The following RAB27A variants were observed in gnomAD, a reference collection of about 807,000 sequenced individuals.
RAB27A encodes ras-related protein Rab-27A.
Under a neutral mutation model 20.8 loss-of-function variants are expected in RAB27A, and 17 were observed. The observed-to-expected ratio is 0.82, with a 90% confidence interval of 0.56 to 1.23. The LOEUF is 1.23. Among genes scored for constraint, RAB27A ranks in the 50% most tolerant of loss-of-function variants. The probability of loss-of-function intolerance (pLI) is 0.00; values close to 1 mark genes in which losing one functional copy is unlikely to be tolerated. For synonymous variants in RAB27A, 85 were observed against 92.8 expected (o/e 0.92, Z 0.48); for missense variants, 277 against 266.7 (o/e 1.04, Z -0.27).
upstream of RAB27A, among the ~76,000 whole-genome samples, chr15:55,294,519 C>T (rs571657423): frequency 8.3e-5 from 11 of 132,536 alleles, no homozygotes; most frequent in South Asian, 1.8e-3. Flanking sequence ...GCCCAGGAAG[C>T]GGAGGTTGCA....
intron 1 of RAB27A, among the ~76,000 whole-genome samples, chr15:55,286,298 T>C (rs1898151000): frequency 6.6e-6 from 1 of 152,198 alleles, no homozygotes. Flanking sequence ...CCATTCTATG[T>C]GCTATGGACA....
intron 1 of RAB27A, among the ~76,000 whole-genome samples, chr15:55,273,341 G>A (rs61573749): frequency 0.22 from 33,587 of 150,926 alleles, 4,678 homozygotes; most frequent in East Asian, 0.55. Flanking sequence ...CCCGGGAGGC[G>A]GAGGTTGCAG....
At chr15:55,309,223 G>A (rs551997040) in intron 2 of RAB27A, among the ~76,000 whole-genome samples, 2 of 152,164 alleles carry the variant, frequency 1.3e-5, no homozygotes, top group African/African-American at 4.8e-5. Context: ...TTATGCCAAG[G>A]AACCCTCTTA....
At position 55,205,492 on chromosome 15, in the gene RAB27A, C is replaced by A; in HGVS notation, c.*15G>T. On this transcript the variant is annotated 3_prime_UTR_variant, in exon 7 of 7. Coordinates refer to ENST00000336787, the MANE Select transcript of RAB27A (RefSeq NM_183235.3). Reference sequence around the variant, plus strand: ...GCATGGGCCACCTGAACTACTATGTCGCTTACTTGACTTCTCAACAGCCAC... The same window carrying A: ...GCATGGGCCACCTGAACTACTATGTAGCTTACTTGACTTCTCAACAGCCAC... 6.2e-7 allele frequency: 1 copy of A among 1,611,632 alleles called. No individual in the cohort carries two copies. The highest frequency in any genetic ancestry group is 1.1e-5 in the South Asian group (1 of 91,032).
chr15:55,261,263 G>A (rs1220613852), intron 2 of RAB27A, among the ~76,000 whole-genome samples: 1 of 151,524 alleles, frequency 6.6e-6, no homozygotes, highest in Non-Finnish European at 1.5e-5. Flanking sequence ...CAGGCGCGGT[G>A]GCAGGCACCT....
intron 2 of RAB27A, among the ~76,000 whole-genome samples, chr15:55,305,847 G>A (rs2054994507): frequency 6.6e-6 from 1 of 152,200 alleles, no homozygotes; most frequent in Non-Finnish European, 1.5e-5. Flanking sequence ...ATAGTTTGTA[G>A]TAGAACTGAG....
At chr15:55,239,744 G>A (rs1423419891) in intron 2 of RAB27A, among the ~76,000 whole-genome samples, 2 of 152,128 alleles carry the variant, frequency 1.3e-5, no homozygotes, top group African/African-American at 2.4e-5. Flanking sequence ...AACTGATCAC[G>A]CTGACCAGGC....
At chr15:55,275,934 A>AAAAC (rs1897859390) in intron 1 of RAB27A, among the ~76,000 whole-genome samples, 1 of 150,748 alleles carries the variant, frequency 6.6e-6, no homozygotes, top group Non-Finnish European at 1.5e-5. Context: ...AAAAAAAAAA[A>AAAAC]AAAAAACAAG....
intron 2 of RAB27A, among the ~76,000 whole-genome samples, chr15:55,261,118 G>C (rs1897252830): frequency 6.6e-6 from 1 of 152,108 alleles, no homozygotes; most frequent in Non-Finnish European, 1.5e-5. Flanking sequence ...AACTCGGCCA[G>C]GCATGGTGGC....
intron 2 of RAB27A, among the ~76,000 whole-genome samples, chr15:55,239,798 T>G (rs1310377258): frequency 6.6e-6 from 1 of 152,014 alleles, no homozygotes; most frequent in East Asian, 1.9e-4. Context: ...AATAAGAAAA[T>G]TTCAGAGAAA....
At chr15:55,251,884 T>A (rs987919570) in intron 2 of RAB27A, among the ~76,000 whole-genome samples, 11 of 152,176 alleles carry the variant, frequency 7.2e-5, no homozygotes, top group Admixed American at 4.6e-4. Flanking sequence ...TACCCTTGCT[T>A]GAAACCATTA....
chr15:55,260,900 C>G (rs1479732075), intron 2 of RAB27A, among the ~76,000 whole-genome samples: 1 of 151,860 alleles, frequency 6.6e-6, no homozygotes, highest in South Asian at 2.1e-4. Context: ...TGTACAACAC[C>G]AAGAGTGAAC....
upstream of RAB27A, among the ~76,000 whole-genome samples, chr15:55,294,479 T>G (rs1014562254): frequency 2.0e-5 from 3 of 149,508 alleles, no homozygotes; most frequent in African/African-American, 7.4e-5. Flanking sequence ...TCCCAACTAC[T>G]CGGGAAGCTG....
intron 5 of RAB27A, among the ~76,000 whole-genome samples, chr15:55,226,898 A>G (rs572791311): frequency 1.3e-5 from 2 of 152,036 alleles, no homozygotes; most frequent in South Asian, 4.1e-4. Context: ...TAAGAAATGA[A>G]TGATCATTGT....
rs1894593211 is a variant in RAB27A at position 55,205,440 on chromosome 15, A to G, written c.*67T>C. On this transcript the variant is annotated 3_prime_UTR_variant, in exon 7 of 7. Transcript: ENST00000336787. ...ATGCCCATTAATCTCTCACTGTGCCATGTATCAATCATAGAGAAGATCCCA... is the reference window on the plus strand; with the variant it reads ...ATGCCCATTAATCTCTCACTGTGCCGTGTATCAATCATAGAGAAGATCCCA... 6.8e-7 allele frequency: 1 copy of G among 1,479,154 alleles called. No individual in the cohort carries two copies. Among genetic ancestry groups the G allele is most frequent in the Non-Finnish European group, 9.5e-7 (1 of 1,057,942 alleles). 91.6% of individuals were successfully genotyped at this position (1,479,154 alleles called of 1,614,324 possible). A position where few individuals can be genotyped will look rare whatever the true frequency, so the allele number is the denominator to read the frequency against.
At chr15:55,219,848 C>T (rs1344910816) in intron 6 of RAB27A, among the ~76,000 whole-genome samples, 1 of 151,922 alleles carries the variant, frequency 6.6e-6, no homozygotes, top group Non-Finnish European at 1.5e-5. Context: ...TGCATTTGTT[C>T]CAGGAAAATT....
At chr15:55,272,594 T>C (rs1254991760) in intron 1 of RAB27A, among the ~76,000 whole-genome samples, 1 of 152,240 alleles carries the variant, frequency 6.6e-6, no homozygotes, top group Non-Finnish European at 1.5e-5. Flanking sequence ...TGGATGCTTT[T>C]GTATTGAAAG....
At chr15:55,220,432 G>A (rs1895516107) in intron 6 of RAB27A, among the ~76,000 whole-genome samples, 1 of 152,016 alleles carries the variant, frequency 6.6e-6, no homozygotes, top group South Asian at 2.1e-4. Context: ...ACCACACCTG[G>A]CTAATTTTTT....
chr15:55,316,791 C>T (rs1354471618), intron 1 of RAB27A, among the ~76,000 whole-genome samples: 1 of 152,178 alleles, frequency 6.6e-6, no homozygotes, highest in Non-Finnish European at 1.5e-5. Context: ...TCTCAAACAA[C>T]ATCTACCTTC....
Sources: gnomAD v4.1 joint callset for allele counts (sites outside exome capture counted in the v4.1 genomes callset) on GRCh38, gnomAD v4.1.1 for gene constraint, MANE v1.5 for transcripts, NCBI Gene and HGNC (gene_info 2026-07-23, HGNC 2026-07-21) for gene names.